RPH3A: variants seen among roughly 807,000 people sequenced by gnomAD.
RPH3A encodes rabphilin-3A.
A neutral mutation model predicts 102.2 loss-of-function variants in RPH3A; 48 were observed. The observed-to-expected ratio is 0.47, with a 90% CI of 0.37 to 0.60. The LOEUF (loss-of-function observed/expected upper bound fraction) is 0.60, where lower values mean the gene tolerates loss of function less well. Ranked by LOEUF, RPH3A falls within the 20% of genes least tolerant of loss-of-function variation. The pLI, the probability that RPH3A is intolerant of heterozygous loss-of-function variation, is 0.00. For synonymous variants in RPH3A, 310 were observed against 324.3 expected, an observed-to-expected ratio of 0.96 and a Z score of 0.47; for missense variants, 781 against 910.1, an observed-to-expected ratio of 0.86 and a Z score of 1.83.
chr12:112,772,403 C>A (rs2040932985), intron 1 of RPH3A, among the ~76,000 whole-genome samples: 1 of 152,172 alleles, frequency 6.6e-6, no homozygotes, highest in African/African-American at 2.4e-5. Flanking sequence ...ACACAAAATG[C>A]CGGGAGCAAC....
At chr12:112,672,520 G>A (rs757263980) in intron 1 of RPH3A, among the ~76,000 whole-genome samples, 5 of 152,162 alleles carry the variant, frequency 3.3e-5, no homozygotes, top group African/African-American at 9.7e-5. Context: ...GTGAGATGAC[G>A]TGACACACCA....
intron 1 of RPH3A, among the ~76,000 whole-genome samples, chr12:112,701,194 C>A (rs1039652605): frequency 2.6e-5 from 4 of 151,996 alleles, no homozygotes; most frequent in African/African-American, 9.7e-5. Context: ...ACAGAGAGGG[C>A]AGGAGGAGAT....
intron 2 of RPH3A, among the ~76,000 whole-genome samples, chr12:112,793,653 G>T (rs979652748): frequency 6.6e-6 from 1 of 152,220 alleles, no homozygotes; most frequent in African/African-American, 2.4e-5. Flanking sequence ...AGTTGCCTTA[G>T]ATTCCTCACT....
chr12:112,777,545 T>C (rs2040976635), intron 1 of RPH3A, among the ~76,000 whole-genome samples: 2 of 152,190 alleles, frequency 1.3e-5, no homozygotes, highest in South Asian at 2.1e-4. Flanking sequence ...CTTTTTGCCA[T>C]CAAAACTGTG....
intron 1 of RPH3A, among the ~76,000 whole-genome samples, chr12:112,684,973 T>G (rs2040252880): frequency 6.6e-6 from 1 of 152,166 alleles, no homozygotes; most frequent in African/African-American, 2.4e-5. Context: ...TTTTCTTTCT[T>G]TTTGCTCTGT....
intron 13 of RPH3A, 102 bp downstream of exon 13, chr12:112,876,968 C>G (rs2042814333): frequency 1.4e-6 from 1 of 711,556 alleles, no homozygotes; most frequent in Non-Finnish European, 2.2e-6. Context: ...ATCCCCAGAC[C>G]CCTAATATAC....
At chr12:112,818,978 A>T (rs74972151) in intron 2 of RPH3A, among the ~76,000 whole-genome samples, 15,781 of 152,024 alleles carry the variant, frequency 0.1, 911 homozygotes, top group East Asian at 0.27. Flanking sequence ...GCCCCTTCAC[A>T]TGAATTAACT....
At chr12:112,652,522 C>T (rs1206572712) in intron 1 of RPH3A, among the ~76,000 whole-genome samples, 1 of 152,056 alleles carries the variant, frequency 6.6e-6, no homozygotes, top group African/African-American at 2.4e-5. Flanking sequence ...TGCTAATAAC[C>T]ATGGGGCCAG....
chr12:112,888,838 G>C (rs1219834480), intron 17 of RPH3A, among the ~76,000 whole-genome samples: 1 of 152,196 alleles, frequency 6.6e-6, no homozygotes, highest in Non-Finnish European at 1.5e-5. Flanking sequence ...TGTTTTAGTG[G>C]GGTAGGGTAG....
At chr12:112,696,680 T>G (rs2040354309) in intron 1 of RPH3A, among the ~76,000 whole-genome samples, 1 of 152,206 alleles carries the variant, frequency 6.6e-6, no homozygotes, top group Non-Finnish European at 1.5e-5. Context: ...AAGAGGAGAA[T>G]TCCCCCATCA....
Position 112,795,005 on chromosome 12 carries a change from G to A in RPH3A, c.-19+2742G>A, listed in dbSNP as rs13378015. 2.0e-3 allele frequency among the ~76,000 whole-genome samples: 297 copies of A among 152,302 alleles called. 2 individuals are homozygous for A. The highest frequency in any genetic ancestry group is 6.8e-3 in the African/African-American group (284 of 41,558). Reference sequence around the variant, plus strand: ...AGACAGAGATTCTGTGATTCCACAGGGGTAGCCTGGAAAGTCAGTGCCCCC... The same window carrying A: ...AGACAGAGATTCTGTGATTCCACAGAGGTAGCCTGGAAAGTCAGTGCCCCC... On this transcript the variant is annotated intron_variant, in intron 2 of 21. Transcript: ENST00000389385.
chr12:112,604,648 A>G lies in RPH3A; in HGVS notation c.-140+29329A>G, dbSNP rs527820778. On this transcript the variant is annotated intron_variant, in intron 1 of 21. Coordinates refer to the RPH3A transcript ENST00000543106. ...ATAAGTGACATTTACGATCTCATGT[A>G]CTTTCTGAGGATCAGCATTTCAGTA... is the stretch of plus-strand genomic sequence containing the variant. 1.9e-4 allele frequency among the ~76,000 whole-genome samples: 29 copies of G among 152,318 alleles called. 1 individual carries two copies. The highest frequency in any genetic ancestry group is 6.0e-4 in the African/African-American group (25 of 41,572).
intron 7 of RPH3A, among the ~76,000 whole-genome samples, chr12:112,867,114 A>T (rs2042624784): frequency 6.6e-6 from 1 of 150,828 alleles, no homozygotes; most frequent in African/African-American, 2.4e-5. Flanking sequence ...CTCTCCCAAC[A>T]TCTTTCCTTT....
intron 10 of RPH3A, among the ~76,000 whole-genome samples, chr12:112,871,131 T>C (rs772804180): frequency 2.0e-5 from 3 of 152,234 alleles, no homozygotes; most frequent in Non-Finnish European, 2.9e-5. Flanking sequence ...TTTTCTTTTC[T>C]CTTCCAGAGG....
intron 1 of RPH3A, among the ~76,000 whole-genome samples, chr12:112,599,971 T>C (rs892000659): frequency 3.3e-5 from 5 of 152,188 alleles, no homozygotes; most frequent in Non-Finnish European, 7.3e-5. Context: ...ATGATAACAG[T>C]GTCTGCCTCC....
intron 1 of RPH3A, among the ~76,000 whole-genome samples, chr12:112,713,522 T>C (rs376010550): frequency 5.1e-4 from 77 of 152,102 alleles, no homozygotes; most frequent in African/African-American, 1.7e-3. Flanking sequence ...GTCCATATTT[T>C]TGGAAAATAT....
intron 5 of RPH3A, among the ~76,000 whole-genome samples, chr12:112,855,367 G>T (rs1180826346): frequency 6.6e-6 from 1 of 152,202 alleles, no homozygotes; most frequent in Non-Finnish European, 1.5e-5. Context: ...CACAACTATT[G>T]CTGTTCCTGG....
chr12:112,608,864 A>G (rs567437661), intron 1 of RPH3A, among the ~76,000 whole-genome samples: 104 of 152,348 alleles, frequency 6.8e-4, no homozygotes, highest in South Asian at 5.8e-3. Context: ...TACAACTGGC[A>G]AAGTAGATTG....
chr12:112,590,366 G>A (rs372718460), intron 1 of RPH3A, among the ~76,000 whole-genome samples: 2 of 152,172 alleles, frequency 1.3e-5, no homozygotes, highest in African/African-American at 2.4e-5. Flanking sequence ...TTCCAGTCTC[G>A]ACTCAATCAC....
Sources: gnomAD v4.1 joint callset for allele counts (sites outside exome capture counted in the v4.1 genomes callset) on GRCh38, gnomAD v4.1.1 for gene constraint, MANE v1.5 for transcripts, NCBI Gene and HGNC (gene_info 2026-07-23, HGNC 2026-07-21) for gene names.